DBNDD2: variants seen among roughly 807,000 people sequenced by gnomAD.
DBNDD2 encodes dysbindin domain containing 2.
A neutral mutation model predicts 14.0 loss-of-function variants in DBNDD2; 8 were observed. That is an observed-to-expected ratio of 0.57 (90% CI 0.33 to 1.03). The LOEUF is 1.03. DBNDD2 is among the 50% of genes least tolerant of loss of function. The pLI, the probability that DBNDD2 is intolerant of heterozygous loss-of-function variation, is 0.03. For missense variants in DBNDD2, 194 were observed against 206.0 expected, an observed-to-expected ratio of 0.94 and a Z score of 0.36; for synonymous variants, 94 against 85.3, an observed-to-expected ratio of 1.10 and a Z score of -0.56.
chr20:45,408,751 C>T (rs1989645718), intron 1 of DBNDD2, 50 bp from the exon 2 acceptor site: 1 of 1,592,900 alleles, frequency 6.3e-7, no homozygotes, highest in African/African-American at 1.3e-5. Flanking sequence ...CTCTCACTGT[C>T]CTGGTGTGCA....
At chr20:45,406,778 G>A (rs1234226558), upstream of DBNDD2, 22 of 1,257,090 alleles carry the variant, frequency 1.8e-5, no homozygotes, top group Non-Finnish European at 2.1e-5. Context: ...GGTGGACCGC[G>A]GAGGGGACCG....
chr20:45,409,909 G>T, intron 2 of DBNDD2, 23 bp from the exon 3 acceptor site: 1 of 1,551,378 alleles, frequency 6.4e-7, no homozygotes, highest in South Asian at 1.2e-5. Context: ...TTTGTGGCCT[G>T]ACCAGCTTTT....
upstream of DBNDD2, chr20:45,407,838 A>G (rs1989548533): frequency 4.5e-6 from 5 of 1,099,362 alleles, no homozygotes; most frequent in Non-Finnish European, 5.5e-6. Context: ...TGATTTCCTT[A>G]GGGGCAGAGC....
rs1270676795 is a variant in DBNDD2 at position 45,408,438 on chromosome 20, T to G, written c.-30T>G. ...TCTCTTTCGACTTTGCAGCTGTACT[T>G]GTTTTGCTCCTCTACCCGCAGGAGC... On this transcript the variant is annotated 5_prime_UTR_variant, in exon 1 of 3. Transcript: ENST00000372710. 2 of 1,614,260 alleles carry G rather than the reference T, an allele frequency of 1.2e-6. No homozygotes were observed. The highest frequency in any genetic ancestry group is 1.7e-6 in the Non-Finnish European group (2 of 1,180,040).
chr20:45,407,885 G>A (rs532823867), upstream of DBNDD2: 14 of 1,218,130 alleles, frequency 1.1e-5, no homozygotes, highest in African/African-American at 2.0e-4. Context: ...TCAGAGCAAG[G>A]GTTTGGGGTA....
upstream of DBNDD2, chr20:45,408,268 A>T: frequency 6.4e-7 from 1 of 1,553,750 alleles, no homozygotes; most frequent in Non-Finnish European, 8.7e-7. Flanking sequence ...CCGCCTCTGC[A>T]TGAGACTTGG....
chr20:45,406,431 G>T (rs982674514), upstream of DBNDD2: 2 of 1,521,570 alleles, frequency 1.3e-6, no homozygotes, highest in East Asian at 5.6e-5. Context: ...AGAGGAGTCC[G>T]GCTGGGCGGA....
chr20:45,406,379 G>T (rs1003027577), upstream of DBNDD2: 7 of 1,383,452 alleles, frequency 5.1e-6, no homozygotes, highest in Admixed American at 1.3e-4. Flanking sequence ...GCATCCGAGC[G>T]AGCGGAGACT....
upstream of DBNDD2, chr20:45,407,625 C>T (rs1169732431): frequency 5.1e-6 from 5 of 988,650 alleles, no homozygotes; most frequent in African/African-American, 3.5e-5. Flanking sequence ...ACCCAGAACC[C>T]GCCTTTCCAA....
intron 1 of DBNDD2, 37 bp from the exon 2 acceptor site, chr20:45,408,764 T>C: frequency 6.2e-7 from 1 of 1,604,014 alleles, no homozygotes; most frequent in Non-Finnish European, 8.5e-7. Context: ...GGTGTGCAGC[T>C]TGGGTCCTCC....
upstream of DBNDD2, chr20:45,407,495 C>A: frequency 3.0e-6 from 3 of 985,786 alleles, no homozygotes; most frequent in Non-Finnish European, 3.6e-6. Context: ...GAGCAGAACG[C>A]CGGGAAGGAG....
Position 45,409,023 on chromosome 20 carries a change from G to A in DBNDD2, c.277+85G>A, listed in dbSNP as rs771936327. 8 of 1,613,408 alleles carry A rather than the reference G, an allele frequency of 5.0e-6. No individual in the cohort carries two copies. In the South Asian group the frequency reaches 6.6e-5, roughly 13 times the overall value. On this transcript the variant is annotated intron_variant, in intron 2 of 2. Coordinates refer to ENST00000372710, the MANE Select transcript of DBNDD2 (RefSeq NM_001048225.4). Reference sequence around the variant, plus strand: ...TGAAACGAGGCTACAAGGCTGGGCTGGGGAAGTACACAAGTAAGGGCTGGA... The same window carrying A: ...TGAAACGAGGCTACAAGGCTGGGCTAGGGAAGTACACAAGTAAGGGCTGGA...
chr20:45,407,974 C>A (rs1326711491), upstream of DBNDD2: 15 of 1,403,448 alleles, frequency 1.1e-5, no homozygotes, highest in Non-Finnish European at 1.3e-5. Context: ...TAGCCTTTGT[C>A]TGGGTTTTGA....
At chr20:45,409,062 A>G (rs1342658642) in intron 2 of DBNDD2, 124 bp downstream of exon 2, 1 of 1,586,294 alleles carries the variant, frequency 6.3e-7, no homozygotes, top group African/African-American at 1.3e-5. Flanking sequence ...GGGTGTTTCT[A>G]CCAATGAAAC....
chr20:45,410,210 C>T lies in DBNDD2; in HGVS notation c.*70C>T. The stretch of plus-strand genomic sequence containing the variant: ...CATGAGACCACAGGCCCAGCCAGAG[C>T]CTGTCGGGAGAAGACCAGACTCTTT... On this transcript the variant is annotated 3_prime_UTR_variant, in exon 3 of 3. Coordinates refer to ENST00000372710, the MANE Select transcript of DBNDD2 (RefSeq NM_001048225.4). 1 of 1,511,612 alleles carries T rather than the reference C, an allele frequency of 6.6e-7. No individual in the cohort carries two copies. Among genetic ancestry groups the T allele is most frequent in the Non-Finnish European group, 9.0e-7 (1 of 1,115,606 alleles). The allele number at this position is 1,511,612 out of a possible 1,614,324, so 93.6% of individuals were successfully genotyped here.
upstream of DBNDD2, chr20:45,406,266 G>T: frequency 1.8e-6 from 1 of 560,360 alleles, no homozygotes; most frequent in Non-Finnish European, 3.1e-6. Flanking sequence ...GTGCGTAGTC[G>T]TTGCGTGGGC....
chr20:45,408,533 C>A lies in DBNDD2; in HGVS notation c.66C>A (p.Phe22Leu), dbSNP rs1267760743. 6 of 1,614,272 alleles carry A rather than the reference C, an allele frequency of 3.7e-6. No homozygotes were observed. Among genetic ancestry groups the A allele is most frequent in the Non-Finnish European group, 5.1e-6 (6 of 1,180,050 alleles). Residue 22 changes from phenylalanine (F) to leucine (L), a missense_variant, in exon 1 of 3, where the codon TTC (phenylalanine) becomes TTA (leucine). Physicochemically the swap from Phe to Leu is conservative, Grantham distance 22 (BLOSUM62 0). Transcript: ENST00000372710. ...TCCGCCTTCGGGAGCGGCAAAAATT[C>A]TTCGAGGACATTTTACAGCCAGAGA... ...QQLRLRERQK[F>L]FEDILQPETE...
rs968526455 is a variant in DBNDD2, at chr20:45,410,199, C to A, written c.*59C>A. On this transcript the variant is annotated 3_prime_UTR_variant, in exon 3 of 3. Coordinates refer to ENST00000372710, the MANE Select transcript of DBNDD2 (RefSeq NM_001048225.4). ...GCTATTCTCCACATGAGACCACAGGCCCAGCCAGAGCCTGTCGGGAGAAGA... is the reference window on the plus strand; with the variant it reads ...GCTATTCTCCACATGAGACCACAGGACCAGCCAGAGCCTGTCGGGAGAAGA... 3.3e-5 allele frequency: 51 copies of A among 1,533,774 alleles called. No individual in the cohort carries two copies. Among genetic ancestry groups the A allele is most frequent in the Non-Finnish European group, 6.2e-6 (7 of 1,133,286 alleles).
At chr20:45,409,803 G>T in intron 2 of DBNDD2, 129 bp from the exon 3 acceptor site, 1 of 904,596 alleles carries the variant, frequency 1.1e-6, no homozygotes, top group Non-Finnish European at 1.7e-6. Flanking sequence ...CTGGCTCTTT[G>T]CTGGATTGGC....
Sources: allele counts gnomAD v4.1 joint callset, GRCh38; gene constraint gnomAD v4.1.1; transcripts MANE v1.5; gene names NCBI Gene and HGNC (gene_info 2026-07-23, HGNC 2026-07-21).